NLGN1: variants seen among roughly 807,000 people sequenced by gnomAD.
NLGN1 encodes neuroligin-1.
NLGN1 carries 12 observed loss-of-function variants against 65.5 expected under a neutral mutation model. The observed-to-expected ratio is 0.18, with a 90% CI of 0.12 to 0.30. The LOEUF is 0.30. Ranked by LOEUF, NLGN1 falls within the 10% of genes least tolerant of loss-of-function variation. The probability of loss-of-function intolerance (pLI) is 1.00; values close to 1 mark genes in which losing one functional copy is unlikely to be tolerated. For missense variants in NLGN1, 750 were observed against 1,007.1 expected, an observed-to-expected ratio of 0.74 and a Z score of 3.46; for synonymous variants, 350 against 359.5, an observed-to-expected ratio of 0.97 and a Z score of 0.30.
At chr3:173,973,988 C>T (rs908969674) in intron 4 of NLGN1, among the ~76,000 whole-genome samples, 7 of 151,974 alleles carry the variant, frequency 4.6e-5, no homozygotes, top group Admixed American at 3.3e-4. Context: ...AATTGATTGA[C>T]ACTAAGACCA....
intron 3 of NLGN1, among the ~76,000 whole-genome samples, chr3:173,701,508 C>T (rs111468193): frequency 5.9e-5 from 9 of 152,106 alleles, no homozygotes; most frequent in African/African-American, 2.2e-4. Context: ...TGTAGCCCTG[C>T]AATACTTTGA....
chr3:174,228,890 C>T (rs988169001), intron 4 of NLGN1, among the ~76,000 whole-genome samples: 3 of 152,024 alleles, frequency 2.0e-5, no homozygotes, highest in Non-Finnish European at 4.4e-5. Flanking sequence ...ACATTGATTA[C>T]TTCCTGGAGA....
upstream of NLGN1, chr3:173,396,628 G>C (rs959624180): frequency 1.3e-5 from 2 of 152,170 alleles, no homozygotes; most frequent in African/African-American, 4.8e-5. Context: ...CCATCGTTTG[G>C]CTGCACACTA....
At chr3:173,627,512 T>A (rs930295277) in intron 3 of NLGN1, among the ~76,000 whole-genome samples, 1 of 152,078 alleles carries the variant, frequency 6.6e-6, no homozygotes, top group African/African-American at 2.4e-5. Flanking sequence ...AGAGTGAAGA[T>A]CTCTCTTCAA....
intron 2 of NLGN1, among the ~76,000 whole-genome samples, chr3:173,466,268 C>G (rs1450141141): frequency 6.6e-6 from 1 of 152,128 alleles, no homozygotes; most frequent in Non-Finnish European, 1.5e-5. Context: ...TTAACAGGCT[C>G]CTAGCCCTGG....
At chr3:174,003,637 A>T (rs1005435257) in intron 4 of NLGN1, among the ~76,000 whole-genome samples, 1 of 152,192 alleles carries the variant, frequency 6.6e-6, no homozygotes, top group Admixed American at 6.5e-5. Context: ...AAAAACTCTA[A>T]CATATCTCTC....
chr3:173,894,191 C>T (rs528305601), intron 4 of NLGN1, among the ~76,000 whole-genome samples: 1 of 152,084 alleles, frequency 6.6e-6, no homozygotes, highest in African/African-American at 2.4e-5. Context: ...CAGGGTGTTA[C>T]AATTATTATT....
chr3:173,989,187 G>A (rs1720569643), intron 4 of NLGN1, among the ~76,000 whole-genome samples: 1 of 152,142 alleles, frequency 6.6e-6, no homozygotes, highest in Admixed American at 6.6e-5. Context: ...CACATCAACT[G>A]ATAAAACAGC....
chr3:173,472,344 TA>T (rs1725454330), intron 2 of NLGN1, among the ~76,000 whole-genome samples: 1 of 152,156 alleles, frequency 6.6e-6, no homozygotes, highest in East Asian at 1.9e-4. Flanking sequence ...TCCTTAGTCA[TA>T]ATGTCTTTAT....
At chr3:173,743,058 C>T (rs985679736) in intron 3 of NLGN1, among the ~76,000 whole-genome samples, 11 of 152,080 alleles carry the variant, frequency 7.2e-5, no homozygotes, top group African/African-American at 1.9e-4. Flanking sequence ...GGCAATTATT[C>T]GCTTTCCTCA....
chr3:173,807,495 A>C (rs1578536738), intron 3 of NLGN1, among the ~76,000 whole-genome samples, 185 bp from the exon 4 acceptor site: 1 of 152,296 alleles, frequency 6.6e-6, no homozygotes, highest in East Asian at 1.9e-4. Context: ...AAAACAATGG[A>C]TGCCTATTGC....
At chr3:173,968,849 T>G (rs1715509272) in intron 4 of NLGN1, among the ~76,000 whole-genome samples, 1 of 151,714 alleles carries the variant, frequency 6.6e-6, no homozygotes, top group South Asian at 2.1e-4. Flanking sequence ...CAGATGCATG[T>G]GCCACCATGC....
intron 2 of NLGN1, among the ~76,000 whole-genome samples, chr3:173,451,752 G>A (rs1266257068): frequency 6.6e-6 from 1 of 152,186 alleles, no homozygotes; most frequent in African/African-American, 2.4e-5. Flanking sequence ...CTCAAGCCTG[G>A]GTAATGGCGG....
chr3:173,422,638 T>C (rs1333719528), intron 1 of NLGN1, among the ~76,000 whole-genome samples: 3 of 152,204 alleles, frequency 2.0e-5, no homozygotes, highest in African/African-American at 7.2e-5. Context: ...TGTTATTTTT[T>C]TGTCTTTTTG....
rs80167741 is a variant in NLGN1 at position 173,618,288 on chromosome 3, A to G, written c.493+13197A>G. Among the ~76,000 whole-genome samples, 763 of 152,136 alleles carry G rather than the reference A, an allele frequency of 5.0e-3. 4 individuals are homozygous for G. The highest frequency in any genetic ancestry group is 0.017 in the African/African-American group (706 of 41,494). On this transcript the variant is annotated intron_variant, in intron 3 of 6. Coordinates refer to ENST00000457714, the Ensembl canonical transcript of NLGN1. ...GTAGCTCACTGTAATCCTTGAGCCC[A>G]TGGGCTCAAGTGATCCTCCTGCCTC...
At chr3:174,239,573 CTTGAT>C (rs1461266866) in intron 4 of NLGN1, among the ~76,000 whole-genome samples, 1 of 151,916 alleles carries the variant, frequency 6.6e-6, no homozygotes, top group African/African-American at 2.4e-5. Context: ...CTCTTTTTTG[CTTGAT>C]TCATTTTTAA....
chr3:174,235,878 C>A (rs1741606193), intron 4 of NLGN1, among the ~76,000 whole-genome samples: 1 of 151,928 alleles, frequency 6.6e-6, no homozygotes, highest in Non-Finnish European at 1.5e-5. Flanking sequence ...TTTAAAACTC[C>A]ACAACTCCAA....
rs1015335124 is a variant in NLGN1 at position 173,732,480 on chromosome 3, A to G, written c.494-75200A>G. Among the ~76,000 whole-genome samples the G allele has an allele frequency of 3.9e-5, 6 of 152,252 alleles. No individual in the cohort carries two copies. The East Asian group carries it at 1.2e-3, about 29-fold the overall frequency. On this transcript the variant is annotated intron_variant, in intron 3 of 6. Coordinates refer to ENST00000457714, the Ensembl canonical transcript of NLGN1. Reference sequence around the variant, plus strand: ...TAAGTGCTGCACATAGCTGCTTTTAATACATTAGAAACATTTATGTAACAG... The same window carrying G: ...TAAGTGCTGCACATAGCTGCTTTTAGTACATTAGAAACATTTATGTAACAG...
chr3:173,637,568 G>T (rs921205932), intron 3 of NLGN1, among the ~76,000 whole-genome samples: 13 of 152,072 alleles, frequency 8.5e-5, no homozygotes, highest in African/African-American at 3.1e-4. Context: ...AATATAATGA[G>T]AATTTGATTT....
Sources: allele counts gnomAD v4.1 joint callset (sites outside exome capture counted in the v4.1 genomes callset), GRCh38; gene constraint gnomAD v4.1.1; transcripts MANE v1.5; gene names NCBI Gene and HGNC (gene_info 2026-07-23, HGNC 2026-07-21).